The following PLEKHG1 variants were observed in gnomAD, a reference collection of about 807,000 sequenced individuals.
The protein encoded by PLEKHG1 is pleckstrin homology domain-containing family G member 1.
A neutral mutation model predicts 100.8 loss-of-function variants in PLEKHG1; 44 were observed. The observed-to-expected ratio is 0.44, with a 90% CI of 0.34 to 0.56. The LOEUF (loss-of-function observed/expected upper bound fraction) is 0.56, where lower values mean the gene tolerates loss of function less well. Ranked by LOEUF, PLEKHG1 falls within the 20% of genes least tolerant of loss-of-function variation. The pLI is 0.01. For missense variants in PLEKHG1, 1,545 were observed against 1,720.9 expected (o/e 0.90, Z 1.81); for synonymous variants, 640 against 662.5 (o/e 0.97, Z 0.52).
chr6:150,787,544 T>C (rs193037794), intron 4 of PLEKHG1, among the ~76,000 whole-genome samples: 1 of 152,248 alleles, frequency 6.6e-6, no homozygotes, highest in African/African-American at 2.4e-5. Flanking sequence ...CATTTGTAGT[T>C]TGAAATGCAC....
intron 2 of PLEKHG1, among the ~76,000 whole-genome samples, chr6:150,640,689 G>C (rs1325200712): frequency 1.3e-5 from 2 of 152,034 alleles, no homozygotes; most frequent in Non-Finnish European, 2.9e-5. Context: ...GCCCTGAACT[G>C]TTTCCACTTT....
At chr6:150,821,139 A>G in intron 12 of PLEKHG1, 56 bp from the exon 14 acceptor site, 1 of 1,395,584 alleles carries the variant, frequency 7.2e-7, no homozygotes, top group Non-Finnish European at 1.0e-6. Context: ...ATAAAGAATA[A>G]AGAAAAAGGT....
chr6:150,825,809 A>T (rs1776565607), intron 14 of PLEKHG1, among the ~76,000 whole-genome samples: 1 of 152,212 alleles, frequency 6.6e-6, no homozygotes, highest in African/African-American at 2.4e-5. Flanking sequence ...AGAACTGTTA[A>T]AAAGATTAAA....
chr6:150,757,880 T>TGTGTGTTGTTCCCCTCCCTGTGTCC (rs1783933459), intron 2 of PLEKHG1, among the ~76,000 whole-genome samples: 1 of 152,102 alleles, frequency 6.6e-6, no homozygotes, highest in African/African-American at 2.4e-5. Flanking sequence ...CAGGCCCCAG[T>TGTGTGTTGTTCCCCTCCCTGTGTCC]GTGTGTTGTT....
intron 15 of PLEKHG1, among the ~76,000 whole-genome samples, chr6:150,834,205 A>G (rs6917461): frequency 0.26 from 40,228 of 152,114 alleles, 5,716 homozygotes; most frequent in East Asian, 0.39. Flanking sequence ...TCTCCTTGCC[A>G]TGATGCACTA....
At chr6:150,681,132 A>G (rs571386549) in intron 3 of PLEKHG1, among the ~76,000 whole-genome samples, 3 of 152,322 alleles carry the variant, frequency 2.0e-5, no homozygotes, top group African/African-American at 7.2e-5. Flanking sequence ...GAGGACCGTA[A>G]AGACAGCATG....
chr6:150,749,929 G>A (rs1028869055), intron 2 of PLEKHG1, among the ~76,000 whole-genome samples: 3 of 152,032 alleles, frequency 2.0e-5, no homozygotes, highest in South Asian at 2.1e-4. Context: ...AAAATGAGCC[G>A]GGCATGGTGG....
intron 2 of PLEKHG1, among the ~76,000 whole-genome samples, chr6:150,750,978 G>A (rs1382188397): frequency 6.6e-6 from 1 of 152,052 alleles, no homozygotes; most frequent in African/African-American, 2.4e-5. Flanking sequence ...GGGAATAATA[G>A]GATTGTTGCA....
chr6:150,809,374 G>A lies in PLEKHG1; in HGVS notation c.1096-7G>A. On this transcript the variant is annotated splice_region_variant and splice_polypyrimidine_tract_variant and intron_variant, in intron 8 of 15. Coordinates refer to ENST00000358517, the Ensembl canonical transcript of PLEKHG1. Reference sequence around the variant, plus strand: ...GTGCCTCACCCTCTCTGCTCTCTCTGCTCTAGTGTGGCAACCTCATGCTTG... The same window carrying A: ...GTGCCTCACCCTCTCTGCTCTCTCTACTCTAGTGTGGCAACCTCATGCTTG... The A allele has an allele frequency of 6.2e-7, 1 of 1,613,398 alleles. No individual in the cohort carries two copies. Among genetic ancestry groups the A allele is most frequent in the Non-Finnish European group, 8.5e-7 (1 of 1,179,800 alleles).
intron 2 of PLEKHG1, among the ~76,000 whole-genome samples, chr6:150,750,357 C>T (rs1486774200): frequency 2.0e-5 from 3 of 152,194 alleles, no homozygotes; most frequent in African/African-American, 7.2e-5. Flanking sequence ...TTCCCTCCAC[C>T]TAAGCTGCAC....
intron 3 of PLEKHG1, among the ~76,000 whole-genome samples, chr6:150,652,458 C>T (rs1481655955): frequency 6.6e-6 from 1 of 152,152 alleles, no homozygotes; most frequent in Non-Finnish European, 1.5e-5. Flanking sequence ...TGCAGTGACT[C>T]ATGCCTGTAA....
chr6:150,748,746 C>G (rs376994382), intron 2 of PLEKHG1, among the ~76,000 whole-genome samples: 1 of 151,662 alleles, frequency 6.6e-6, no homozygotes, highest in Non-Finnish European at 1.5e-5. Context: ...TCAGCCTCCC[C>G]GAGTAGCTGG....
exon 10 of PLEKHG1, chr6:150,809,715 C>T (rs767074929): frequency 6.2e-7 from 1 of 1,613,312 alleles, no homozygotes; most frequent in Admixed American, 1.7e-5. Flanking sequence ...GAGAACCATG[C>T]AGCCAAGATT....
At chr6:150,748,554 A>G (rs1350107930) in intron 2 of PLEKHG1, among the ~76,000 whole-genome samples, 1 of 151,820 alleles carries the variant, frequency 6.6e-6, no homozygotes, top group East Asian at 1.9e-4. Context: ...ATGGAGATCC[A>G]GAGATGCCAG....
intron 10 of PLEKHG1, among the ~76,000 whole-genome samples, chr6:150,816,326 CTTTTTT>C (rs1173343082): frequency 5.4e-4 from 22 of 41,120 alleles, no homozygotes; most frequent in African/African-American, 1.1e-3. Flanking sequence ...CTCAAACATA[CTTTTTT>C]TTTTTTTTTT....
chr6:150,611,636 A>G (rs1005513950), intron 1 of PLEKHG1, among the ~76,000 whole-genome samples: 2 of 151,876 alleles, frequency 1.3e-5, no homozygotes, highest in African/African-American at 2.4e-5. Flanking sequence ...ACATGGTGAA[A>G]CCCTGTCTGT....
At position 150,797,935 on chromosome 6, in the gene PLEKHG1, C is replaced by T. The variant is rs979385100; in HGVS notation, c.629+2033C>T. ...GGCAAATACTTTTCCTTGGAGGACC[C>T]CTGCTTTCCCCAGTTTCCCCTAAAA... On this transcript the variant is annotated intron_variant, in intron 5 of 15. Coordinates refer to ENST00000358517, the Ensembl canonical transcript of PLEKHG1. Among the ~76,000 whole-genome samples, 6 of 150,526 alleles carry T rather than the reference C, an allele frequency of 4.0e-5. No individual in the cohort carries two copies. In the East Asian group the frequency reaches 7.8e-4, roughly 20 times the overall value.
intron 10 of PLEKHG1, among the ~76,000 whole-genome samples, chr6:150,816,041 C>T (rs1472181674): frequency 6.6e-6 from 1 of 152,148 alleles, no homozygotes; most frequent in African/African-American, 2.4e-5. Context: ...AATCGTTCTA[C>T]AGCTCACCAT....
rs949428986 is a variant in PLEKHG1, at chr6:150,842,511, T to G, written c.*1615T>G. Reference sequence around the variant, plus strand: ...AAATAGGTACCTAAGGCATGTGATTTTATTTTTAAATAACAAAAAATAACC... The same window carrying G: ...AAATAGGTACCTAAGGCATGTGATTGTATTTTTAAATAACAAAAAATAACC... On this transcript the variant is annotated 3_prime_UTR_variant, in exon 16 of 16. Coordinates refer to ENST00000358517, the Ensembl canonical transcript of PLEKHG1. The G allele has an allele frequency of 7.9e-5, 12 of 152,308 alleles. No individual in the cohort carries two copies. The East Asian group carries it at 1.7e-3, about 22-fold the overall frequency. The allele number at this position is 152,308 out of a possible 1,614,324, so 9.4% of individuals were successfully genotyped here. A position where few individuals can be genotyped will look rare whatever the true frequency, so the allele number is the denominator to read the frequency against.
Sources: gnomAD v4.1 joint callset for allele counts (sites outside exome capture counted in the v4.1 genomes callset) on GRCh38, gnomAD v4.1.1 for gene constraint, MANE v1.5 for transcripts, NCBI Gene and HGNC (gene_info 2026-07-23, HGNC 2026-07-21) for gene names.